CFAP61: variants seen among roughly 807,000 people sequenced by gnomAD.
The protein encoded by CFAP61 is cilia- and flagella-associated protein 61.
In CFAP61, 107 loss-of-function variants were observed where a neutral mutation model predicts 135.6. The ratio of observed to expected loss-of-function variants is 0.79; its 90% CI spans 0.67 to 0.93. The LOEUF (loss-of-function observed/expected upper bound fraction) is 0.93, where lower values mean the gene tolerates loss of function less well. Ranked by LOEUF, CFAP61 falls within the 40% of genes least tolerant of loss-of-function variation. The pLI, the probability that CFAP61 is intolerant of heterozygous loss-of-function variation, is 0.00. For synonymous variants in CFAP61, 575 were observed against 578.5 expected, an observed-to-expected ratio of 0.99 and a Z score of 0.09; for missense variants, 1,507 against 1,556.2, an observed-to-expected ratio of 0.97 and a Z score of 0.53.
At chr20:20,095,334 C>T (rs1486592678) in intron 7 of CFAP61, among the ~76,000 whole-genome samples, 2 of 152,174 alleles carry the variant, frequency 1.3e-5, no homozygotes, top group Non-Finnish European at 2.9e-5. Flanking sequence ...TACAGGCACA[C>T]GTTACTTTAA....
At chr20:20,148,820 C>G (rs2052137486) in intron 9 of CFAP61, among the ~76,000 whole-genome samples, 1 of 152,178 alleles carries the variant, frequency 6.6e-6, no homozygotes, top group Non-Finnish European at 1.5e-5. Flanking sequence ...GCTATGACTT[C>G]CAGCACTATG....
chr20:20,052,919 A>ATAAT (rs10651384), intron 1 of CFAP61, among the ~76,000 whole-genome samples: 94,766 of 151,630 alleles, frequency 0.62, 29,982 homozygotes, highest in East Asian at 0.94. Context: ...TTGTGCCCAA[A>ATAAT]TAATTCTAAG....
intron 8 of CFAP61, among the ~76,000 whole-genome samples, chr20:20,132,693 G>A (rs979449589): frequency 2.6e-5 from 4 of 151,770 alleles, no homozygotes; most frequent in Non-Finnish European, 5.9e-5. Context: ...TGTTATTTAA[G>A]GCATAATTTT....
chr20:20,347,056 C>T (rs1239847379), intron 26 of CFAP61, among the ~76,000 whole-genome samples: 1 of 152,150 alleles, frequency 6.6e-6, no homozygotes, highest in African/African-American at 2.4e-5. Flanking sequence ...TTATATTCTC[C>T]AACCACAACA....
intron 18 of CFAP61, among the ~76,000 whole-genome samples, chr20:20,231,887 T>C (rs2049167148): frequency 6.6e-6 from 1 of 152,144 alleles, no homozygotes; most frequent in African/African-American, 2.4e-5. Context: ...AAGTGATAGA[T>C]TTGGATTATT....
At chr20:20,296,549 A>G (rs1002200261) in intron 24 of CFAP61, among the ~76,000 whole-genome samples, 3 of 150,944 alleles carry the variant, frequency 2.0e-5, no homozygotes, top group African/African-American at 7.3e-5. Context: ...TTGTTCATCA[A>G]AAAATCTAGT....
At chr20:20,272,477 T>C (rs1233409976) in intron 21 of CFAP61, among the ~76,000 whole-genome samples, 2 of 152,072 alleles carry the variant, frequency 1.3e-5, no homozygotes, top group Non-Finnish European at 2.9e-5. Context: ...TCAAAGAACA[T>C]ATGTCATAGG....
intron 13 of CFAP61, among the ~76,000 whole-genome samples, chr20:20,186,310 C>T (rs887211225): frequency 2.0e-5 from 3 of 152,186 alleles, no homozygotes; most frequent in African/African-American, 7.2e-5. Flanking sequence ...TCACTTCGCA[C>T]AATGTTTTTA....
At chr20:20,322,755 G>A in intron 25 of CFAP61, 2 of 985,238 alleles carry the variant, frequency 2.0e-6, no homozygotes, top group South Asian at 4.7e-5. Context: ...ATCATTAGAG[G>A]GTCCTCGTGT....
At chr20:20,223,985 A>G (rs2048565616) in intron 17 of CFAP61, among the ~76,000 whole-genome samples, 1 of 152,194 alleles carries the variant, frequency 6.6e-6, no homozygotes. Context: ...ACCCTTTAAA[A>G]AGGGTCCATG....
intron 24 of CFAP61, among the ~76,000 whole-genome samples, chr20:20,294,800 C>T (rs900474936): frequency 3.3e-5 from 5 of 150,976 alleles, no homozygotes; most frequent in Non-Finnish European, 5.9e-5. Context: ...CGGTGGCTGG[C>T]GCCTGTAGTC....
chr20:20,244,541 C>T (rs1215650704), intron 18 of CFAP61, among the ~76,000 whole-genome samples: 1 of 152,188 alleles, frequency 6.6e-6, no homozygotes, highest in African/African-American at 2.4e-5. Flanking sequence ...GGCACCAAGT[C>T]CCTACACTGC....
chr20:20,074,463 T>C, intron 4 of CFAP61, 85 bp downstream of exon 4: 3 of 1,165,120 alleles, frequency 2.6e-6, no homozygotes, highest in South Asian at 1.3e-5. Context: ...CATGAAATTC[T>C]TTGGGGTGTT....
chr20:20,352,460 A>G (rs2058874705), intron 26 of CFAP61, among the ~76,000 whole-genome samples: 1 of 152,240 alleles, frequency 6.6e-6, no homozygotes, highest in South Asian at 2.1e-4. Context: ...GCCAAACCAT[A>G]TCAGCATGGT....
At chr20:20,064,672 C>T (rs2045102880) in intron 2 of CFAP61, among the ~76,000 whole-genome samples, 1 of 152,164 alleles carries the variant, frequency 6.6e-6, no homozygotes, top group Non-Finnish European at 1.5e-5. Flanking sequence ...TATTTTCTAA[C>T]TGCTGTTGAC....
chr20:20,068,078 T>C (rs947848623), intron 2 of CFAP61, among the ~76,000 whole-genome samples: 3 of 152,136 alleles, frequency 2.0e-5, no homozygotes, highest in African/African-American at 7.2e-5. Flanking sequence ...CTAATTGTAC[T>C]GTAAGACCCA....
chr20:20,114,060 G>A (rs1048932144), intron 8 of CFAP61, among the ~76,000 whole-genome samples: 1 of 151,550 alleles, frequency 6.6e-6, no homozygotes, highest in African/African-American at 2.4e-5. Flanking sequence ...CTAGAGCTGA[G>A]GAGTTCGAGA....
At chr20:20,307,382 T>A (rs889739376) in intron 25 of CFAP61, among the ~76,000 whole-genome samples, 3 of 152,214 alleles carry the variant, frequency 2.0e-5, no homozygotes, top group African/African-American at 7.2e-5. Flanking sequence ...GAAGTATATG[T>A]TGATGGACAG....
rs73903343 is a variant in CFAP61, at chr20:20,280,299, G to A, written c.2796+2841G>A. Among the ~76,000 whole-genome samples the A allele has an allele frequency of 2.6e-3, 402 of 152,256 alleles. 2 individuals are homozygous for A. Among genetic ancestry groups the A allele is most frequent in the African/African-American group, 8.9e-3 (371 of 41,532 alleles). On this transcript the variant is annotated intron_variant, in intron 22 of 26. Coordinates refer to ENST00000245957, the MANE Select transcript of CFAP61 (RefSeq NM_015585.4). ...GGAATGGCAGGAATTGCTAGCAACC[G>A]TCAGGAAGTAGGAAGAGGCAGGGAA...
Sources: allele counts gnomAD v4.1 joint callset (sites outside exome capture counted in the v4.1 genomes callset), GRCh38; gene constraint gnomAD v4.1.1; transcripts MANE v1.5; gene names NCBI Gene and HGNC (gene_info 2026-07-23, HGNC 2026-07-21).